IREB2: variants seen among roughly 807,000 people sequenced by gnomAD.
The protein encoded by IREB2 is iron responsive element binding protein 2.
Under a neutral mutation model 118.8 loss-of-function variants are expected in IREB2, and 39 were observed. The observed-to-expected ratio is 0.33, with a 90% CI of 0.25 to 0.43. The LOEUF is 0.43. Ranked by LOEUF, IREB2 falls within the 20% of genes least tolerant of loss-of-function variation. IREB2 has a pLI of 1.00. For missense variants in IREB2, 900 were observed against 1,147.3 expected, an observed-to-expected ratio of 0.78 and a Z score of 3.11; for synonymous variants, 372 against 392.2, an observed-to-expected ratio of 0.95 and a Z score of 0.61.
intron 3 of IREB2, among the ~76,000 whole-genome samples, chr15:78,463,607 A>G (rs933994196): frequency 8.5e-5 from 13 of 152,148 alleles, no homozygotes; most frequent in Non-Finnish European, 1.0e-4. Context: ...GTTTTGTACC[A>G]TTTATTCAAA....
chr15:78,456,536 A>G (rs1314121151), intron 2 of IREB2, among the ~76,000 whole-genome samples: 2 of 151,784 alleles, frequency 1.3e-5, no homozygotes, highest in Non-Finnish European at 1.5e-5. Flanking sequence ...GCATAGTGGT[A>G]TACGCCTGTA....
chr15:78,490,605 C>T lies in IREB2; in HGVS notation c.2182-14C>T. ...CTTGTAAAGAGTTAAATGCCTTGAA[C>T]TTTTACCTTCTAGACCAAAGAGCCA... is the stretch of plus-strand genomic sequence containing the variant. On this transcript the variant is annotated splice_polypyrimidine_tract_variant and intron_variant, in intron 17 of 21. Transcript: ENST00000258886. The T allele has an allele frequency of 6.2e-7, 1 of 1,613,440 alleles. No homozygotes were observed. Among genetic ancestry groups the T allele is most frequent in the East Asian group, 2.2e-5 (1 of 44,864 alleles).
Position 78,494,143 on chromosome 15 carries a change from T to C in IREB2, c.2474T>C (p.Leu825Pro). ...TTTTGTGTTTGTTTTAATCTACAGC[T>C]AGATGTATTTGAGGCTGCAGAGCTG... ...KTIHFPSGQT[L>P]DVFEAAELYQ... Residue 825 changes from leucine (L) to proline (P), a missense_variant and splice_region_variant, in exon 20 of 22, where the codon CTA becomes CCA. By Grantham distance (98) the Leu-to-Pro change is moderately conservative. Transcript: ENST00000258886. The C allele has an allele frequency of 1.9e-6, 3 of 1,613,638 alleles. No individual in the cohort carries two copies. Among genetic ancestry groups the C allele is most frequent in the Non-Finnish European group, 2.5e-6 (3 of 1,179,846 alleles).
chr15:78,440,367 TTTC>T (rs201910745), intron 2 of IREB2, among the ~76,000 whole-genome samples: 1,873 of 125,944 alleles, frequency 0.015, 36 homozygotes, highest in African/African-American at 0.047. Context: ...TCTCTTTTCT[TTTC>T]TTTTTTTTTT....
intron 12 of IREB2, 151 bp from the exon 13 acceptor site, chr15:78,485,554 C>A: frequency 1.3e-6 from 1 of 754,986 alleles, no homozygotes; most frequent in South Asian, 2.1e-5. Context: ...TGAAGCAAAT[C>A]AGTAGAATAA....
chr15:78,449,767 C>T (rs1056669984), intron 2 of IREB2, among the ~76,000 whole-genome samples: 15 of 152,228 alleles, frequency 9.9e-5, no homozygotes, highest in Middle Eastern at 3.4e-3. Context: ...TGCCTTTCAT[C>T]GGATGCTTCC....
upstream of IREB2, chr15:78,438,157 C>A (rs2050781124): frequency 3.5e-6 from 2 of 579,066 alleles, no homozygotes; most frequent in Non-Finnish European, 6.3e-6. Flanking sequence ...GGGAGTTAGG[C>A]GACAAATCCC....
chr15:78,447,481 C>T (rs2050950397), intron 2 of IREB2, among the ~76,000 whole-genome samples: 1 of 152,096 alleles, frequency 6.6e-6, no homozygotes, highest in South Asian at 2.1e-4. Flanking sequence ...CAGGTGCGTG[C>T]CACCATACCT....
chr15:78,471,830 G>A lies in IREB2; in HGVS notation c.789G>A (p.Val263=), dbSNP rs748333578. 1.7e-5 allele frequency: 28 copies of A among 1,613,476 alleles called. No homozygotes were observed. The highest frequency in any genetic ancestry group is 2.3e-5 in the Non-Finnish European group (27 of 1,179,588). The change falls in exon 7 of 22, where the codon GTG becomes GTA. Residue 263 remains valine (V), a synonymous_variant. Transcript: ENST00000258886. ...TAAACTTAGAATATTTGTCAAGAGT[G>A]GTTTTTGAAGAAAAAGACCTCCTCT... ...HQINLEYLSR[V]VFEEKDLLFP... is the part of the protein sequence containing the mutation.
chr15:78,442,199 C>T (rs2141443342), intron 2 of IREB2, among the ~76,000 whole-genome samples: 1 of 152,060 alleles, frequency 6.6e-6, no homozygotes, highest in Non-Finnish European at 1.5e-5. Flanking sequence ...CCCAGCCCCT[C>T]CTGCTTTTTT....
At chr15:78,484,517 G>A (rs2051627102) in intron 11 of IREB2, among the ~76,000 whole-genome samples, 3 of 152,120 alleles carry the variant, frequency 2.0e-5, no homozygotes, top group South Asian at 2.1e-4. Flanking sequence ...TGGGTGGTAG[G>A]CTGGACTCGC....
chr15:78,468,353 C>T (rs933143482), intron 5 of IREB2, among the ~76,000 whole-genome samples: 1 of 152,062 alleles, frequency 6.6e-6, no homozygotes, highest in Non-Finnish European at 1.5e-5. Flanking sequence ...AAATGATCCT[C>T]CTGCCTCAGC....
At chr15:78,444,098 A>C (rs1315746995) in intron 2 of IREB2, among the ~76,000 whole-genome samples, 1 of 151,976 alleles carries the variant, frequency 6.6e-6, no homozygotes, top group East Asian at 1.9e-4. Context: ...TTTACTGTCA[A>C]CCTGGCTGGA....
chr15:78,458,870 G>A lies in IREB2; in HGVS notation c.107-4052G>A, dbSNP rs115186485. Among the ~76,000 whole-genome samples, 419 of 152,220 alleles carry A rather than the reference G, an allele frequency of 2.8e-3. 4 individuals are homozygous for A. The highest frequency in any genetic ancestry group is 9.7e-3 in the African/African-American group (403 of 41,530). ...CCATTTCCCGGGCTGGAGTGCAGTG[G>A]CAAGATCAGCCTTGACTTCCCAGCC... On this transcript the variant is annotated intron_variant, in intron 2 of 21. Transcript: ENST00000258886.
intron 8 of IREB2, chr15:78,473,820 A>G (rs1171433212): frequency 6.6e-6 from 1 of 152,622 alleles, no homozygotes; most frequent in African/African-American, 2.4e-5. Context: ...CTTGCTGACT[A>G]CATTATTTTT....
intron 16 of IREB2, among the ~76,000 whole-genome samples, chr15:78,489,417 A>T (rs1344976175): frequency 6.6e-6 from 1 of 152,224 alleles, no homozygotes; most frequent in African/African-American, 2.4e-5. Flanking sequence ...TTCAGAATAC[A>T]TCATTGAACA....
chr15:78,496,151 G>A (rs531327005), intron 20 of IREB2, among the ~76,000 whole-genome samples: 2 of 152,178 alleles, frequency 1.3e-5, no homozygotes, highest in East Asian at 1.9e-4. Context: ...ATCATTCTGC[G>A]GTTTCAGCAT....
At chr15:78,466,827 T>A (rs2051290930) in intron 5 of IREB2, among the ~76,000 whole-genome samples, 1 of 152,208 alleles carries the variant, frequency 6.6e-6, no homozygotes, top group Non-Finnish European at 1.5e-5. Flanking sequence ...ATTCATATAC[T>A]CGTTAGTCAT....
At chr15:78,451,367 G>C (rs2051022709) in intron 2 of IREB2, among the ~76,000 whole-genome samples, 1 of 151,174 alleles carries the variant, frequency 6.6e-6, no homozygotes. Context: ...AAAAAAAAAA[G>C]CTTAATTTTA....
Sources: gnomAD v4.1 joint callset for allele counts (sites outside exome capture counted in the v4.1 genomes callset) on GRCh38, gnomAD v4.1.1 for gene constraint, MANE v1.5 for transcripts, NCBI Gene and HGNC (gene_info 2026-07-23, HGNC 2026-07-21) for gene names.